Variants in SHANK2 observed in about 807,000 individuals in gnomAD.
The protein encoded by SHANK2 is SH3 and multiple ankyrin repeat domains protein 2.
Under a neutral mutation model 133.7 loss-of-function variants are expected in SHANK2, and 43 were observed. The ratio of observed to expected loss-of-function variants is 0.32; its 90% confidence interval spans 0.25 to 0.41. The LOEUF is 0.41. Ranked by LOEUF, SHANK2 falls within the 10% of genes least tolerant of loss-of-function variation. SHANK2 has a pLI of 1.00. For synonymous variants in SHANK2, 1,017 were observed against 952.8 expected, an observed-to-expected ratio of 1.07 and a Z score of -1.24; for missense variants, 1,994 against 2,235.8, an observed-to-expected ratio of 0.89 and a Z score of 2.18.
intron 2 of SHANK2, among the ~76,000 whole-genome samples, chr11:71,205,362 A>T (rs1489973296): frequency 3.3e-5 from 5 of 152,118 alleles, no homozygotes; most frequent in African/African-American, 4.8e-5. Context: ...CTGACCCTCA[A>T]TCAGTGGCAA....
intron 3 of SHANK2, among the ~76,000 whole-genome samples, chr11:71,137,975 C>T (rs11232217): frequency 0.065 from 9,890 of 151,080 alleles, 408 homozygotes; most frequent in African/African-American, 0.18. Flanking sequence ...AATGGGCGGG[C>T]GCACACACAC....
intron 14 of SHANK2, among the ~76,000 whole-genome samples, chr11:70,762,387 C>A (rs1947014314): frequency 6.6e-6 from 1 of 152,128 alleles, no homozygotes; most frequent in Admixed American, 6.6e-5. Context: ...CCCCCCAGAC[C>A]AGCAGGATGC....
intron 11 of SHANK2, among the ~76,000 whole-genome samples, chr11:70,839,657 A>G (rs1555061057): frequency 6.6e-6 from 1 of 152,160 alleles, no homozygotes; most frequent in Non-Finnish European, 1.5e-5. Flanking sequence ...GAGTACCTCC[A>G]GGAGGCTGGA....
intron 17 of SHANK2, among the ~76,000 whole-genome samples, chr11:70,561,493 A>G (rs2136131263): frequency 1.3e-5 from 2 of 151,722 alleles, no homozygotes; most frequent in Non-Finnish European, 2.9e-5. Context: ...TTTCTATGTC[A>G]TTGATTGCTG....
At chr11:70,913,768 C>A (rs1177294261) in intron 10 of SHANK2, among the ~76,000 whole-genome samples, 2 of 152,162 alleles carry the variant, frequency 1.3e-5, no homozygotes, top group Non-Finnish European at 2.9e-5. Context: ...TCTCCAGAGA[C>A]GAGGAGCAGC....
intron 17 of SHANK2, chr11:70,646,384 G>C (rs186877802): frequency 4.6e-5 from 7 of 152,236 alleles, no homozygotes; most frequent in Non-Finnish European, 8.8e-5. Context: ...CAAGTTCGTG[G>C]TGCATGGTAG....
At chr11:70,712,420 C>T (rs1945808253) in intron 14 of SHANK2, among the ~76,000 whole-genome samples, 1 of 152,186 alleles carries the variant, frequency 6.6e-6, no homozygotes, top group African/African-American at 2.4e-5. Flanking sequence ...ATTGTGCCCA[C>T]CATAACCACA....
At chr11:70,596,881 G>A (rs1229374750) in intron 17 of SHANK2, among the ~76,000 whole-genome samples, 2 of 152,198 alleles carry the variant, frequency 1.3e-5, no homozygotes, top group African/African-American at 2.4e-5. Context: ...CACAACATGG[G>A]CACAGGCTTG....
rs577946043 is a variant in SHANK2, at chr11:70,702,964, G to A, written c.1778-4201C>T. 7.9e-5 allele frequency among the ~76,000 whole-genome samples: 12 copies of A among 152,374 alleles called. No homozygotes were observed. In the South Asian group the frequency reaches 2.5e-3, roughly 32 times the overall value. On this transcript the variant is annotated intron_variant, in intron 14 of 25. Transcript: ENST00000601538. ...AATACATGTAAGGCACTAGAATGGTGCATGGCATGTTGAAAGTGCTATGTA... is the reference window on the plus strand; with the variant it reads ...AATACATGTAAGGCACTAGAATGGTACATGGCATGTTGAAAGTGCTATGTA...
intron 11 of SHANK2, among the ~76,000 whole-genome samples, chr11:70,834,181 ACGCAGGGGAGCACC>A (rs1590739503): frequency 1.3e-5 from 2 of 152,184 alleles, no homozygotes; most frequent in South Asian, 2.1e-4. Flanking sequence ...TCAGGGGGAG[ACGCAGGGGAGCACC>A]TGAGCCTATT....
rs112353823 is a variant in SHANK2 at position 70,580,698 on chromosome 11, G to A, written c.2062-77767C>T. Reference sequence around the variant, plus strand: ...CTTCCTCCCACTCTTCAGGCCTGAGGCCGCTTCCCCGCTGCTGGCTGCCCA... The same window carrying A: ...CTTCCTCCCACTCTTCAGGCCTGAGACCGCTTCCCCGCTGCTGGCTGCCCA... On this transcript the variant is annotated intron_variant, in intron 17 of 25. Transcript: ENST00000601538. Among the ~76,000 whole-genome samples, 553 of 152,338 alleles carry A rather than the reference G, an allele frequency of 3.6e-3. 5 individuals carry two copies. Among genetic ancestry groups the A allele is most frequent in the African/African-American group, 0.013 (526 of 41,588 alleles).
At chr11:70,864,804 T>A (rs911778939) in intron 11 of SHANK2, 8 of 152,372 alleles carry the variant, frequency 5.3e-5, no homozygotes, top group African/African-American at 1.7e-4. Context: ...GGTGGGAGGA[T>A]CCCTTGAGGC....
intron 13 of SHANK2, among the ~76,000 whole-genome samples, chr11:70,800,754 C>T (rs185124208): frequency 1.1e-4 from 16 of 152,334 alleles, no homozygotes; most frequent in African/African-American, 3.6e-4. Flanking sequence ...ATGTGCCTCA[C>T]AGTTTCCCAG....
intron 10 of SHANK2, among the ~76,000 whole-genome samples, chr11:70,905,958 C>T (rs1184748906): frequency 6.6e-6 from 1 of 152,050 alleles, no homozygotes; most frequent in Non-Finnish European, 1.5e-5. Flanking sequence ...ATTACAGGCA[C>T]ATGCCACCAT....
At chr11:71,097,895 T>C (rs1010148874) in intron 6 of SHANK2, among the ~76,000 whole-genome samples, 1 of 152,086 alleles carries the variant, frequency 6.6e-6, no homozygotes, top group East Asian at 1.9e-4. Flanking sequence ...TGTGTGTGCA[T>C]GGCTGTGTGT....
At chr11:71,165,252 T>G (rs1368376216) in intron 2 of SHANK2, among the ~76,000 whole-genome samples, 1 of 152,162 alleles carries the variant, frequency 6.6e-6, no homozygotes, top group Non-Finnish European at 1.5e-5. Flanking sequence ...CAGGCTGGAC[T>G]TGAACTCCTG....
rs146528681 is a variant in SHANK2 at position 70,595,290 on chromosome 11, C to T, written c.2061+64538G>A. Among the ~76,000 whole-genome samples the T allele has an allele frequency of 6.1e-3, 930 of 152,308 alleles. 8 individuals carry two copies. The highest frequency in any genetic ancestry group is 0.021 in the African/African-American group (859 of 41,560). ...GACCCCCTCTCAGGAAGCCCCGGTG[C>T]CAGTGCCACCCTCCAAGCGCCCCCT... On this transcript the variant is annotated intron_variant, in intron 17 of 25. Coordinates refer to ENST00000601538, the MANE Select transcript of SHANK2 (RefSeq NM_012309.5).
chr11:70,607,527 C>T (rs998364996), intron 17 of SHANK2, among the ~76,000 whole-genome samples: 5 of 152,246 alleles, frequency 3.3e-5, no homozygotes, highest in Non-Finnish European at 7.3e-5. Context: ...CACACACTGG[C>T]TCTAGGGCCT....
Position 70,882,364 on chromosome 11 carries a change from A to G in SHANK2, c.1174+14137T>C, listed in dbSNP as rs1555072589. Reference sequence around the variant, plus strand: ...AGGCCCCTGGGCTGTGCCTGTAGCTAGGAGCTGGGAACCAGTTCTATAGCC... The same window carrying G: ...AGGCCCCTGGGCTGTGCCTGTAGCTGGGAGCTGGGAACCAGTTCTATAGCC... On this transcript the variant is annotated intron_variant, in intron 11 of 25. Transcript: ENST00000601538. The surrounding 1 kb of genome is among the most constrained non-coding windows in gnomAD (Gnocchi z 4.2). 1.3e-5 allele frequency among the ~76,000 whole-genome samples: 2 copies of G among 152,198 alleles called. No homozygotes were observed. The highest frequency in any genetic ancestry group is 3.9e-4 in the East Asian group (2 of 5,184).
Sources: allele counts gnomAD v4.1 joint callset (sites outside exome capture counted in the v4.1 genomes callset), GRCh38; gene constraint gnomAD v4.1.1; non-coding constraint Gnocchi (gnomAD v3.1); transcripts MANE v1.5; gene names NCBI Gene and HGNC (gene_info 2026-07-23, HGNC 2026-07-21).